PSMA1: variants seen among roughly 807,000 people sequenced by gnomAD.
PSMA1 encodes proteasome 20S subunit alpha 1.
In PSMA1, 3 loss-of-function variants were observed where a neutral mutation model predicts 38.4. The ratio of observed to expected loss-of-function variants is 0.08; its 90% CI spans 0.04 to 0.20. The LOEUF (loss-of-function observed/expected upper bound fraction) is 0.20, where lower values mean the gene tolerates loss of function less well. Ranked by LOEUF, PSMA1 falls within the 10% of genes least tolerant of loss-of-function variation. The probability of loss-of-function intolerance (pLI) is 1.00; values close to 1 mark genes in which losing one functional copy is unlikely to be tolerated. For synonymous variants in PSMA1, 101 were observed against 107.1 expected (o/e 0.94, Z 0.35); for missense variants, 227 against 325.3 (o/e 0.70, Z 2.32).
At chr11:14,602,183 A>C (rs1251735893) in intron 2 of PSMA1, among the ~76,000 whole-genome samples, 1 of 152,194 alleles carries the variant, frequency 6.6e-6, no homozygotes, top group Non-Finnish European at 1.5e-5. Flanking sequence ...GAAACTCATG[A>C]ACACTAAATT....
intron 2 of PSMA1, among the ~76,000 whole-genome samples, chr11:14,529,176 A>C (rs1851619708): frequency 6.6e-6 from 1 of 152,180 alleles, no homozygotes. Flanking sequence ...TAGGCTTTTA[A>C]AAGAATCAAA....
intron 2 of PSMA1, among the ~76,000 whole-genome samples, chr11:14,594,486 AC>A (rs1456761277): frequency 2.0e-5 from 3 of 152,212 alleles, no homozygotes; most frequent in Non-Finnish European, 2.9e-5. Flanking sequence ...ATGCAAAAAA[AC>A]ATTTCGTACT....
chr11:14,542,931 C>G (rs1851788704), intron 2 of PSMA1, among the ~76,000 whole-genome samples: 1 of 152,146 alleles, frequency 6.6e-6, no homozygotes, highest in Non-Finnish European at 1.5e-5. Flanking sequence ...TCTCGGCTCA[C>G]TGTAACCTCC....
chr11:14,572,295 A>G (rs1852153334), intron 2 of PSMA1, among the ~76,000 whole-genome samples: 1 of 152,228 alleles, frequency 6.6e-6, no homozygotes, highest in African/African-American at 2.4e-5. Flanking sequence ...GTAAAAAAAC[A>G]GAAATTTTAA....
At chr11:14,578,011 G>A (rs1774094020) in intron 2 of PSMA1, among the ~76,000 whole-genome samples, 1 of 152,006 alleles carries the variant, frequency 6.6e-6, no homozygotes, top group South Asian at 2.1e-4. Context: ...GCTCATAAGT[G>A]GGAGTTGAAC....
intron 2 of PSMA1, among the ~76,000 whole-genome samples, chr11:14,536,809 G>A (rs1408706363): frequency 2.6e-5 from 4 of 152,014 alleles, no homozygotes; most frequent in African/African-American, 9.7e-5. Context: ...TAGAGATGGG[G>A]TTTCACTGTG....
intron 8 of PSMA1, among the ~76,000 whole-genome samples, chr11:14,508,827 T>A (rs1353541756): frequency 6.6e-6 from 1 of 152,160 alleles, no homozygotes; most frequent in African/African-American, 2.4e-5. Flanking sequence ...TCATTGCCCC[T>A]CCTCCTTGAA....
intron 2 of PSMA1, among the ~76,000 whole-genome samples, chr11:14,592,106 G>A (rs1220482107): frequency 6.6e-6 from 1 of 151,886 alleles, no homozygotes; most frequent in East Asian, 1.9e-4. Flanking sequence ...CTGAGCCAGT[G>A]AGACCACGAA....
intron 1 of PSMA1, among the ~76,000 whole-genome samples, chr11:14,640,667 C>T (rs1201612479): frequency 7.9e-5 from 12 of 152,240 alleles, no homozygotes; most frequent in East Asian, 1.9e-4. Context: ...GCAACAGAGT[C>T]GCTACTGCAC....
chr11:14,575,248 TA>T (rs1194488548), intron 2 of PSMA1, among the ~76,000 whole-genome samples: 1 of 152,114 alleles, frequency 6.6e-6, no homozygotes, highest in Non-Finnish European at 1.5e-5. Context: ...TTTTAAATTT[TA>T]AAAAAATTTA....
intron 4 of PSMA1, among the ~76,000 whole-genome samples, chr11:14,516,141 C>T (rs1379902426): frequency 1.3e-5 from 2 of 150,288 alleles, no homozygotes; most frequent in African/African-American, 2.5e-5. Context: ...ACTCTGGAGG[C>T]GGAGGTTGCA....
intron 2 of PSMA1, among the ~76,000 whole-genome samples, chr11:14,549,196 A>G (rs953433836): frequency 1.3e-5 from 2 of 152,178 alleles, no homozygotes; most frequent in African/African-American, 2.4e-5. Context: ...TGGGACCTGC[A>G]TGACTTTTTT....
intron 2 of PSMA1, among the ~76,000 whole-genome samples, chr11:14,553,297 G>A (rs932558694): frequency 1.1e-4 from 16 of 151,830 alleles, no homozygotes; most frequent in Non-Finnish European, 1.8e-4. Flanking sequence ...AATTTATATT[G>A]GTACAATCCA....
At chr11:14,558,741 A>T (rs1229602316) in intron 2 of PSMA1, among the ~76,000 whole-genome samples, 1 of 152,200 alleles carries the variant, frequency 6.6e-6, no homozygotes, top group African/African-American at 2.4e-5. Context: ...TGGTGTCTTA[A>T]AGGAGCCACT....
chr11:14,505,154 T>C lies in PSMA1; in HGVS notation c.*38A>G, dbSNP rs1328232163. The C allele has an allele frequency of 1.3e-6, 2 of 1,538,450 alleles. No individual in the cohort carries two copies. Among genetic ancestry groups the C allele is most frequent in the Non-Finnish European group, 9.0e-7 (1 of 1,111,510 alleles). On this transcript the variant is annotated 3_prime_UTR_variant, in exon 10 of 10. Coordinates refer to ENST00000396394, the MANE Select transcript of PSMA1 (RefSeq NM_002786.4). ...CATCAGTATGTGGTGCCTGTATTCT[T>C]ACATATTTGATAATACATATATAGA...
chr11:14,526,094 C>T (rs1851583014), intron 2 of PSMA1, among the ~76,000 whole-genome samples: 1 of 152,140 alleles, frequency 6.6e-6, no homozygotes, highest in Admixed American at 6.5e-5. Context: ...CTCTCCCTGC[C>T]GACTGTGTCC....
chr11:14,528,891 G>A (rs1340107258), intron 2 of PSMA1, among the ~76,000 whole-genome samples: 1 of 151,770 alleles, frequency 6.6e-6, no homozygotes. Flanking sequence ...CTAAAACATT[G>A]CTCTTAACTC....
intron 2 of PSMA1, among the ~76,000 whole-genome samples, chr11:14,580,975 G>A (rs1042207171): frequency 1.3e-5 from 2 of 152,182 alleles, no homozygotes; most frequent in African/African-American, 4.8e-5. Flanking sequence ...AATGACAGAT[G>A]AACTACAGAT....
intron 2 of PSMA1, among the ~76,000 whole-genome samples, chr11:14,604,220 C>T (rs536772826): frequency 4.6e-5 from 7 of 152,198 alleles, no homozygotes; most frequent in South Asian, 2.1e-4. Context: ...CCACCACGCC[C>T]GGCTAATTTT....
Sources: allele counts gnomAD v4.1 joint callset (sites outside exome capture counted in the v4.1 genomes callset), GRCh38; gene constraint gnomAD v4.1.1; transcripts MANE v1.5; gene names NCBI Gene and HGNC (gene_info 2026-07-23, HGNC 2026-07-21).